Variants in JAM2 observed in about 807,000 individuals in gnomAD.
The protein encoded by JAM2 is junctional adhesion molecule 2.
Under a neutral mutation model 42.0 loss-of-function variants are expected in JAM2, and 17 were observed. That is an observed-to-expected ratio of 0.40 (90% CI 0.28 to 0.61). The LOEUF is 0.61. Ranked by LOEUF, JAM2 falls within the 20% of genes least tolerant of loss-of-function variation. The pLI, the probability that JAM2 is intolerant of heterozygous loss-of-function variation, is 0.37. For missense variants in JAM2, 319 were observed against 358.3 expected, an observed-to-expected ratio of 0.89 and a Z score of 0.89; for synonymous variants, 118 against 128.6, an observed-to-expected ratio of 0.92 and a Z score of 0.56.
intron 4 of JAM2, among the ~76,000 whole-genome samples, chr21:25,694,680 A>T (rs985465097): frequency 6.6e-6 from 1 of 152,066 alleles, no homozygotes; most frequent in Non-Finnish European, 1.5e-5. Context: ...TCTCTAAAAA[A>T]AAATAAATAA....
intron 1 of JAM2, among the ~76,000 whole-genome samples, chr21:25,649,956 A>G (rs889639157): frequency 6.6e-6 from 1 of 152,208 alleles, no homozygotes; most frequent in African/African-American, 2.4e-5. Context: ...AAAAGAGACA[A>G]AACACAAGTG....
intron 1 of JAM2, among the ~76,000 whole-genome samples, chr21:25,651,367 A>C (rs1350474055): frequency 6.6e-6 from 1 of 152,190 alleles, no homozygotes; most frequent in Non-Finnish European, 1.5e-5. Flanking sequence ...TATAACTTAA[A>C]ATGCAAATTA....
At chr21:25,665,838 C>T (rs529737783) in intron 1 of JAM2, among the ~76,000 whole-genome samples, 2 of 152,010 alleles carry the variant, frequency 1.3e-5, no homozygotes, top group South Asian at 2.1e-4. Flanking sequence ...GTCAGGAGTT[C>T]GAGAGCAGCT....
chr21:25,676,304 G>GAA (rs763975091), intron 1 of JAM2, among the ~76,000 whole-genome samples: 1 of 98,646 alleles, frequency 1.0e-5, no homozygotes, highest in African/African-American at 3.6e-5. Flanking sequence ...AAAAAAAAAA[G>GAA]AAAAAGAAAA....
chr21:25,675,460 C>T (rs757718464), intron 1 of JAM2, among the ~76,000 whole-genome samples: 2 of 151,518 alleles, frequency 1.3e-5, no homozygotes, highest in Admixed American at 6.6e-5. Context: ...GGCGCCATTG[C>T]ACTCTAGCCT....
Position 25,717,116 on chromosome 21 carries a change from T to C in JAM2, c.*2444T>C, listed in dbSNP as rs1410868548. ...TGTCAAATATATATTGTACATTACCTTAAACTATTGTAATAGCTAGGTAAA... is the reference window on the plus strand; with the variant it reads ...TGTCAAATATATATTGTACATTACCCTAAACTATTGTAATAGCTAGGTAAA... On this transcript the variant is annotated 3_prime_UTR_variant, in exon 10 of 10. Coordinates refer to ENST00000480456, the MANE Select transcript of JAM2 (RefSeq NM_021219.4). The C allele has an allele frequency of 1.3e-5, 2 of 152,544 alleles. No homozygotes were observed. Among genetic ancestry groups the C allele is most frequent in the Non-Finnish European group, 2.9e-5 (2 of 68,310 alleles). 9.4% of individuals were successfully genotyped at this position (152,544 alleles called of 1,614,324 possible).
chr21:25,705,837 A>G, intron 6 of JAM2, 142 bp from the exon 7 acceptor site: 1 of 589,068 alleles, frequency 1.7e-6, no homozygotes, highest in East Asian at 2.9e-5. Context: ...GAAGTGAGTT[A>G]GTTGAACAGG....
chr21:25,649,391 C>T lies in JAM2; in HGVS notation c.67+9503C>T, dbSNP rs8134197. Reference sequence around the variant, plus strand: ...ACTTGATGGCCGGAAGCAGAAGTGCCGAGCAAAAGCGGGGAAAGCCCTTTA... The same window carrying T: ...ACTTGATGGCCGGAAGCAGAAGTGCTGAGCAAAAGCGGGGAAAGCCCTTTA... On this transcript the variant is annotated intron_variant, in intron 1 of 9. Transcript: ENST00000480456. 5.6e-3 allele frequency among the ~76,000 whole-genome samples: 845 copies of T among 152,170 alleles called. 16 individuals are homozygous for T. The highest frequency in any genetic ancestry group is 0.02 in the African/African-American group (811 of 41,514).
Position 25,715,879 on chromosome 21 carries a change from T to G in JAM2, c.*1207T>G, listed in dbSNP as rs1264592157. 6.6e-6 allele frequency: 1 copy of G among 152,176 alleles called. No individual in the cohort carries two copies. Among genetic ancestry groups the G allele is most frequent in the Non-Finnish European group, 1.5e-5 (1 of 68,026 alleles). The allele number at this position is 152,176 out of a possible 1,614,324, so 9.4% of individuals were successfully genotyped here. A position where few individuals can be genotyped will look rare whatever the true frequency, so the allele number is the denominator to read the frequency against. ...CTTCTTTTAATTACTGAATTGATAT[T>G]AAAAACAAAATATGGCTAGGGCATG... On this transcript the variant is annotated 3_prime_UTR_variant, in exon 10 of 10. Transcript: ENST00000480456.
At chr21:25,673,685 G>C (rs921393600) in intron 1 of JAM2, among the ~76,000 whole-genome samples, 1 of 152,168 alleles carries the variant, frequency 6.6e-6, no homozygotes, top group Non-Finnish European at 1.5e-5. Flanking sequence ...AGAGAGGAAA[G>C]GGGACTGTGG....
intron 1 of JAM2, among the ~76,000 whole-genome samples, chr21:25,669,389 GAAAAA>G (rs765512375): frequency 5.0e-5 from 5 of 100,402 alleles, no homozygotes; most frequent in African/African-American, 3.2e-4. Flanking sequence ...AGAAAAAAAA[GAAAAA>G]AAGAAAAAAA....
chr21:25,685,542 A>AAAC (rs1568906751), intron 2 of JAM2, among the ~76,000 whole-genome samples: 1 of 151,642 alleles, frequency 6.6e-6, no homozygotes, highest in Non-Finnish European at 1.5e-5. Context: ...AAAAAAAAAA[A>AAAC]AAAAAAGTTC....
At chr21:25,640,774 C>G (rs1285458718) in intron 1 of JAM2, among the ~76,000 whole-genome samples, 1 of 151,574 alleles carries the variant, frequency 6.6e-6, no homozygotes, top group Non-Finnish European at 1.5e-5. Flanking sequence ...TTGCTTTTTT[C>G]CCTTCCTTCC....
chr21:25,696,384 C>T lies in JAM2; in HGVS notation c.395-2293C>T, dbSNP rs184655868. On this transcript the variant is annotated intron_variant, in intron 4 of 9. Transcript: ENST00000480456. ...GCATCAGAGGGAGACCGTGGGGAGA[C>T]GGAGACAGAGAGGGAGGGAGAGGGA... Among the ~76,000 whole-genome samples the T allele has an allele frequency of 1.9e-3, 293 of 151,968 alleles. 1 individual carries two copies. The highest frequency in any genetic ancestry group is 6.9e-3 in the African/African-American group (284 of 41,456).
chr21:25,655,013 A>C (rs1043375052), intron 1 of JAM2, among the ~76,000 whole-genome samples: 1 of 152,226 alleles, frequency 6.6e-6, no homozygotes, highest in Non-Finnish European at 1.5e-5. Context: ...CAAATAAGAC[A>C]TCAGGGAAAT....
intron 7 of JAM2, among the ~76,000 whole-genome samples, chr21:25,707,891 G>T (rs1359384236): frequency 6.6e-6 from 1 of 151,482 alleles, no homozygotes; most frequent in Non-Finnish European, 1.5e-5. Flanking sequence ...TGTCACCCAT[G>T]CCTGGTGCAG....
intron 4 of JAM2, among the ~76,000 whole-genome samples, chr21:25,694,652 G>C (rs1350989013): frequency 6.6e-6 from 1 of 151,884 alleles, no homozygotes; most frequent in Non-Finnish European, 1.5e-5. Context: ...GCAGCATAGT[G>C]AGTCCCCTAT....
At chr21:25,641,240 G>A (rs2032432528) in intron 1 of JAM2, among the ~76,000 whole-genome samples, 1 of 152,226 alleles carries the variant, frequency 6.6e-6, no homozygotes, top group Non-Finnish European at 1.5e-5. Context: ...AGAAAGTTAT[G>A]TATTCTGCTG....
At chr21:25,664,410 A>AT (rs1324502261) in intron 1 of JAM2, among the ~76,000 whole-genome samples, 1 of 151,774 alleles carries the variant, frequency 6.6e-6, no homozygotes, top group African/African-American at 2.4e-5. Context: ...TAATTTTTGT[A>AT]TTTTTTGTAG....
Sources: allele counts gnomAD v4.1 joint callset (sites outside exome capture counted in the v4.1 genomes callset), GRCh38; gene constraint gnomAD v4.1.1; transcripts MANE v1.5; gene names NCBI Gene and HGNC (gene_info 2026-07-23, HGNC 2026-07-21).